BCKDHB: variants seen among roughly 807,000 people sequenced by gnomAD.
BCKDHB encodes the protein branched chain keto acid dehydrogenase E1 subunit beta, also known as 2-oxoisovalerate dehydrogenase subunit beta, mitochondrial.
In BCKDHB, 41 loss-of-function variants were observed where a neutral mutation model predicts 48.5. The observed-to-expected ratio is 0.85, with a 90% CI of 0.66 to 1.10. BCKDHB has a LOEUF of 1.10. BCKDHB is among the 50% of genes least tolerant of loss of function. The pLI is 0.00. For missense variants in BCKDHB, 496 were observed against 494.2 expected, an observed-to-expected ratio of 1.00 and a Z score of -0.03; for synonymous variants, 201 against 174.8, an observed-to-expected ratio of 1.15 and a Z score of -1.18.
At chr6:80,108,072 G>A (rs777093854) in intron 1 of BCKDHB, among the ~76,000 whole-genome samples, 54 of 152,090 alleles carry the variant, frequency 3.6e-4, no homozygotes, top group Non-Finnish European at 5.4e-4. Context: ...AACCTTAAAA[G>A]GTTAGTAAAG....
At chr6:80,112,452 A>G (rs1257839978) in intron 1 of BCKDHB, among the ~76,000 whole-genome samples, 1 of 152,214 alleles carries the variant, frequency 6.6e-6, no homozygotes, top group Non-Finnish European at 1.5e-5. Flanking sequence ...GCCTGGATAC[A>G]TGCACCTCCA....
At chr6:80,141,217 G>A (rs1325689814) in intron 3 of BCKDHB, among the ~76,000 whole-genome samples, 2 of 151,652 alleles carry the variant, frequency 1.3e-5, no homozygotes, top group African/African-American at 4.9e-5. Context: ...AGTCTTGCTA[G>A]CGGTCTATCA....
intron 6 of BCKDHB, among the ~76,000 whole-genome samples, chr6:80,180,198 A>G (rs897330672): frequency 2.0e-5 from 3 of 152,236 alleles, no homozygotes; most frequent in African/African-American, 7.2e-5. Context: ...CTTATTTTGA[A>G]TATGCAATCA....
intron 8 of BCKDHB, among the ~76,000 whole-genome samples, chr6:80,256,362 A>G (rs535973674): frequency 1.3e-5 from 2 of 152,302 alleles, no homozygotes; most frequent in South Asian, 4.1e-4. Flanking sequence ...CCTAGACTAT[A>G]AACCTGTGCG....
chr6:80,328,110 A>C (rs890612057), intron 9 of BCKDHB, among the ~76,000 whole-genome samples: 3 of 152,170 alleles, frequency 2.0e-5, no homozygotes, highest in African/African-American at 7.2e-5. Context: ...TGAGGGACTA[A>C]GGACTTTCAA....
the BCKDHB span, among the ~76,000 whole-genome samples, chr6:80,405,621 G>C: frequency 3.0e-5 from 3 of 99,192 alleles, no homozygotes; most frequent in South Asian, 1.2e-3. Flanking sequence ...TTTTCTTGCT[G>C]TCTTGATGAT....
the BCKDHB span, among the ~76,000 whole-genome samples, chr6:80,378,695 T>C: frequency 6.6e-6 from 1 of 152,132 alleles, no homozygotes; most frequent in Non-Finnish European, 1.5e-5. Flanking sequence ...TATTTTTACT[T>C]CTTTGGGATA....
the BCKDHB span, among the ~76,000 whole-genome samples, chr6:80,432,740 C>A: frequency 6.6e-6 from 1 of 152,126 alleles, no homozygotes; most frequent in Admixed American, 6.5e-5. Context: ...AGTTGTGATC[C>A]TTTGGAGGAG....
At chr6:80,421,645 G>A in the BCKDHB span, among the ~76,000 whole-genome samples, 9 of 152,178 alleles carry the variant, frequency 5.9e-5, no homozygotes, top group Admixed American at 3.9e-4. Flanking sequence ...GGGAAATGGA[G>A]CAAATGTTAC....
In BCKDHB at chr6:80,127,005, G is replaced by A. The variant is rs113545499; in HGVS notation, c.197-542G>A. On this transcript the variant is annotated intron_variant, in intron 1 of 9. Transcript: ENST00000320393. ...ACTGGCTCACAGATATTCTATTTAA[G>A]TAATAAGACAATAAGAAGGACTAAA... Among the ~76,000 whole-genome samples, 52 of 152,230 alleles carry A rather than the reference G, an allele frequency of 3.4e-4. No homozygotes were observed. In the East Asian group the frequency reaches 6.7e-3, roughly 20 times the overall value.
the BCKDHB span, among the ~76,000 whole-genome samples, chr6:80,382,876 A>G: frequency 6.6e-6 from 1 of 152,156 alleles, no homozygotes. Context: ...TTTCTTCAAT[A>G]TTATAACTCA....
intron 9 of BCKDHB, among the ~76,000 whole-genome samples, chr6:80,311,744 G>A (rs1433983177): frequency 6.6e-6 from 1 of 152,094 alleles, no homozygotes; most frequent in Non-Finnish European, 1.5e-5. Context: ...ATAGGTGTGT[G>A]GTTCTATTTC....
chr6:80,312,620 T>C (rs1216706452), intron 9 of BCKDHB, among the ~76,000 whole-genome samples: 1 of 152,234 alleles, frequency 6.6e-6, no homozygotes, highest in African/African-American at 2.4e-5. Context: ...ACCTTGTTTA[T>C]TGAGCATTTT....
chr6:80,132,671 G>A (rs1770688016), intron 3 of BCKDHB, among the ~76,000 whole-genome samples: 1 of 152,134 alleles, frequency 6.6e-6, no homozygotes, highest in South Asian at 2.1e-4. Flanking sequence ...TTTATTGTCA[G>A]CAGCTGCTGT....
chr6:80,151,623 G>T (rs1771783922), intron 3 of BCKDHB, among the ~76,000 whole-genome samples: 1 of 152,110 alleles, frequency 6.6e-6, no homozygotes, highest in Non-Finnish European at 1.5e-5. Context: ...ATTCTCTTGA[G>T]CTTTCTTTTA....
rs1331386619 is a variant in BCKDHB at position 80,203,570 on chromosome 6, T to A, written c.951+358T>A. ...TATGGTTCAGTAAGCTAGGTTTAAT[T>A]TAGTCAGGTAAATTAAGTGATTTGG... On this transcript the variant is annotated intron_variant, in intron 8 of 9. Coordinates refer to ENST00000320393, the MANE Select transcript of BCKDHB (RefSeq NM_183050.4). Among the ~76,000 whole-genome samples, 3 of 152,204 alleles carry A rather than the reference T, an allele frequency of 2.0e-5. No individual in the cohort carries two copies. In the East Asian group the frequency reaches 5.8e-4, roughly 29 times the overall value.
At chr6:80,118,047 G>A (rs542229087) in intron 1 of BCKDHB, among the ~76,000 whole-genome samples, 2 of 152,268 alleles carry the variant, frequency 1.3e-5, no homozygotes, top group Admixed American at 1.3e-4. Flanking sequence ...CAATAGGAGA[G>A]TCAGTGGGAT....
the BCKDHB span, among the ~76,000 whole-genome samples, chr6:80,396,581 C>T: frequency 2.0e-5 from 3 of 152,178 alleles, no homozygotes; most frequent in South Asian, 2.1e-4. Flanking sequence ...ATCCAAATCT[C>T]ATCTTGAATT....
At chr6:80,441,563 T>C in the BCKDHB span, among the ~76,000 whole-genome samples, 1 of 152,192 alleles carries the variant, frequency 6.6e-6, no homozygotes, top group Admixed American at 6.5e-5. Flanking sequence ...AAATAACATA[T>C]AATAAACAGA....
Sources: gnomAD v4.1 joint callset for allele counts (sites outside exome capture counted in the v4.1 genomes callset) on GRCh38, gnomAD v4.1.1 for gene constraint, MANE v1.5 for transcripts, NCBI Gene and HGNC (gene_info 2026-07-23, HGNC 2026-07-21) for gene names.